ADORA2B: variants seen among roughly 807,000 people sequenced by gnomAD.
The protein encoded by ADORA2B is adenosine receptor A2b.
ADORA2B carries 18 observed loss-of-function variants against 20.8 expected under a neutral mutation model. That is an observed-to-expected ratio of 0.87 (90% confidence interval 0.60 to 1.29). The LOEUF is 1.29. Among genes scored for constraint, ADORA2B ranks in the 50% most tolerant of loss-of-function variants. ADORA2B has a pLI of 0.00. For synonymous variants in ADORA2B, 179 were observed against 178.3 expected, an observed-to-expected ratio of 1.00 and a Z score of -0.03; for missense variants, 441 against 422.7, an observed-to-expected ratio of 1.04 and a Z score of -0.38.
chr17:15,923,032 C>CT, the ADORA2B span, among the ~76,000 whole-genome samples: 14 of 149,210 alleles, frequency 9.4e-5, no homozygotes, highest in South Asian at 8.5e-4. Flanking sequence ...TTCTTTTTTT[C>CT]TTTTTTTTGA....
the ADORA2B span, among the ~76,000 whole-genome samples, chr17:15,875,292 C>A: frequency 6.6e-6 from 1 of 152,136 alleles, no homozygotes; most frequent in Admixed American, 6.5e-5. Context: ...TGGCATTTAC[C>A]TCTACATTGC....
intron 1 of ADORA2B, among the ~76,000 whole-genome samples, chr17:15,969,577 CCTCT>C (rs1970163499): frequency 6.6e-6 from 1 of 152,220 alleles, no homozygotes; most frequent in Non-Finnish European, 1.5e-5. Flanking sequence ...TTCCTTTAAT[CCTCT>C]CTTTCAGGAA....
the ADORA2B span, among the ~76,000 whole-genome samples, chr17:15,919,783 G>A: frequency 6.6e-6 from 1 of 152,158 alleles, no homozygotes; most frequent in Non-Finnish European, 1.5e-5. Context: ...GGCAGAGGAG[G>A]CTCCAGTGGC....
chr17:15,910,902 C>G, the ADORA2B span, among the ~76,000 whole-genome samples: 4 of 152,352 alleles, frequency 2.6e-5, no homozygotes, highest in South Asian at 8.3e-4. Context: ...TGCCCTGGCT[C>G]TGCTAGTGGA....
chr17:15,890,030 A>T, the ADORA2B span, among the ~76,000 whole-genome samples: 9 of 129,970 alleles, frequency 6.9e-5, 2 homozygotes, highest in South Asian at 2.1e-3. Flanking sequence ...TCTACACTGG[A>T]CGCCTAGATG....
At chr17:15,921,825 C>T in the ADORA2B span, among the ~76,000 whole-genome samples, 4 of 152,184 alleles carry the variant, frequency 2.6e-5, no homozygotes, top group Non-Finnish European at 1.5e-5. Context: ...TGGCATTTAT[C>T]CTCATAAATG....
chr17:15,916,817 T>G, the ADORA2B span, among the ~76,000 whole-genome samples: 1 of 152,200 alleles, frequency 6.6e-6, no homozygotes, highest in Non-Finnish European at 1.5e-5. Flanking sequence ...CACCAGTGAA[T>G]TAGGTCATTG....
At chr17:15,974,436 A>G (rs916668241) in intron 1 of ADORA2B, 1 of 463,326 alleles carries the variant, frequency 2.2e-6, no homozygotes, top group Non-Finnish European at 3.8e-6. Context: ...GTCATTGGCC[A>G]TCCTGTGTCA....
the ADORA2B span, chr17:15,858,809 C>T: frequency 6.3e-6 from 1 of 158,118 alleles, no homozygotes; most frequent in South Asian, 1.7e-4. Context: ...TCCTGACCTT[C>T]CCCTTACAGG....
chr17:15,903,844 G>A, the ADORA2B span, among the ~76,000 whole-genome samples: 1 of 152,014 alleles, frequency 6.6e-6, no homozygotes, highest in Non-Finnish European at 1.5e-5. Context: ...TCTAATATGT[G>A]TAGCATAGTA....
At chr17:15,884,489 A>G in the ADORA2B span, among the ~76,000 whole-genome samples, 1 of 152,142 alleles carries the variant, frequency 6.6e-6, no homozygotes, top group Non-Finnish European at 1.5e-5. Context: ...GGTTTGCTGC[A>G]CAGATCAACA....
At chr17:15,930,776 C>T in the ADORA2B span, among the ~76,000 whole-genome samples, 90 of 152,344 alleles carry the variant, frequency 5.9e-4, no homozygotes, top group Non-Finnish European at 1.1e-3. Flanking sequence ...GGTTATTTTC[C>T]TGACCTCAGT....
the ADORA2B span, among the ~76,000 whole-genome samples, chr17:15,887,969 AAAAAAAAAAAAAAAAAAAAAGAT>A: frequency 1.1e-5 from 1 of 89,306 alleles, no homozygotes; most frequent in African/African-American, 6.0e-5. Flanking sequence ...AAAAAAAAAA[AAAAAAAAAAAAAAAAAAAAAGAT>A]AAGCAGAAGT....
chr17:15,966,027 G>A (rs991819851), intron 1 of ADORA2B, among the ~76,000 whole-genome samples: 1 of 152,240 alleles, frequency 6.6e-6, no homozygotes, highest in African/African-American at 2.4e-5. Context: ...TGTTTTGTAG[G>A]TTTGAGTGGT....
the ADORA2B span, among the ~76,000 whole-genome samples, chr17:15,890,795 G>A: frequency 6.6e-6 from 1 of 152,138 alleles, no homozygotes; most frequent in African/African-American, 2.4e-5. Context: ...GAGGGTAGCC[G>A]AAGCAGCCCA....
chr17:15,934,516 G>T, the ADORA2B span, among the ~76,000 whole-genome samples: 2 of 152,180 alleles, frequency 1.3e-5, no homozygotes, highest in Middle Eastern at 6.8e-3. Context: ...GAGCCACCGC[G>T]CCCGACCTCT....
At chr17:15,948,181 G>A (rs1344098356) in intron 1 of ADORA2B, among the ~76,000 whole-genome samples, 1 of 86,424 alleles carries the variant, frequency 1.2e-5, no homozygotes, top group Non-Finnish European at 2.7e-5. Context: ...TGAGGCCTGT[G>A]GCCGCAGAGA....
chr17:15,874,533 A>T, the ADORA2B span, among the ~76,000 whole-genome samples: 14,529 of 151,794 alleles, frequency 0.096, 1,983 homozygotes, highest in African/African-American at 0.3. Flanking sequence ...ACCAAAAAAA[A>T]AAATAAATAA....
chr17:15,913,214 A>G, the ADORA2B span, among the ~76,000 whole-genome samples: 2 of 152,190 alleles, frequency 1.3e-5, no homozygotes, highest in Admixed American at 1.3e-4. Context: ...CTGTGCATTT[A>G]CACCCTGCAC....
Sources: allele counts gnomAD v4.1 joint callset (sites outside exome capture counted in the v4.1 genomes callset), GRCh38; gene constraint gnomAD v4.1.1; transcripts MANE v1.5; gene names NCBI Gene and HGNC (gene_info 2026-07-23, HGNC 2026-07-21).